The following ALK variants were observed in gnomAD, a reference collection of about 807,000 sequenced individuals.
ALK encodes the protein ALK receptor tyrosine kinase.
A neutral mutation model predicts 163.1 loss-of-function variants in ALK; 74 were observed. That is an observed-to-expected ratio of 0.45 (90% CI 0.38 to 0.55). The LOEUF (loss-of-function observed/expected upper bound fraction) is 0.55, where lower values mean the gene tolerates loss of function less well. Among genes scored for constraint, ALK ranks in the 20% least tolerant of loss-of-function variants. ALK has a pLI of 0.00. For synonymous variants in ALK, 960 were observed against 843.2 expected, an observed-to-expected ratio of 1.14 and a Z score of -2.40; for missense variants, 2,063 against 2,105.3, an observed-to-expected ratio of 0.98 and a Z score of 0.39.
At chr2:29,436,646 C>T (rs756651187) in intron 4 of ALK, among the ~76,000 whole-genome samples, 5 of 152,164 alleles carry the variant, frequency 3.3e-5, no homozygotes, top group East Asian at 1.9e-4. Context: ...TATTGATGTT[C>T]GCTCATCAGC....
chr2:29,625,548 G>A (rs1043685578), intron 3 of ALK, among the ~76,000 whole-genome samples: 1 of 152,200 alleles, frequency 6.6e-6, no homozygotes, highest in Non-Finnish European at 1.5e-5. Flanking sequence ...GAACCAAGCA[G>A]TAAGTAGTGT....
chr2:29,697,570 A>T (rs75983364), intron 2 of ALK, among the ~76,000 whole-genome samples: 1,630 of 152,296 alleles, frequency 0.011, 34 homozygotes, highest in African/African-American at 0.038. Context: ...TTAACAGAAG[A>T]TGCCAAGATG....
intron 3 of ALK, among the ~76,000 whole-genome samples, chr2:29,666,311 G>C (rs888022621): frequency 6.6e-6 from 1 of 151,670 alleles, no homozygotes; most frequent in African/African-American, 2.4e-5. Context: ...TCGTTTCTAG[G>C]GTCCCTTTTT....
chr2:29,422,059 G>A lies in ALK; in HGVS notation c.1155-38200C>T, dbSNP rs1251826219. Among the ~76,000 whole-genome samples, 4 of 151,554 alleles carry A rather than the reference G, an allele frequency of 2.6e-5. No individual in the cohort carries two copies. In the East Asian group the frequency reaches 7.7e-4, roughly 29 times the overall value. Reference sequence around the variant, plus strand: ...CATTTTGATAAAGCCTCTCCAGTGAGGCTCCCTGAGCTTTTTCCACGAGGG... The same window carrying A: ...CATTTTGATAAAGCCTCTCCAGTGAAGCTCCCTGAGCTTTTTCCACGAGGG... On this transcript the variant is annotated intron_variant, in intron 4 of 28. Coordinates refer to ENST00000389048, the MANE Select transcript of ALK (RefSeq NM_004304.5).
Position 29,246,804 on chromosome 2 carries a change from T to G in ALK, c.2204+4301A>C, listed in dbSNP as rs1426031951. The stretch of plus-strand genomic sequence containing the variant: ...CTTTTGACCATGGCCTGAGTGACAG[T>G]GACTCCCTTCCAACTGCTCTCCCCA... On this transcript the variant is annotated intron_variant, in intron 12 of 28. Coordinates refer to ENST00000389048, the MANE Select transcript of ALK (RefSeq NM_004304.5). The surrounding 1 kb of genome is among the most constrained non-coding windows in gnomAD (Gnocchi z 4.3). Among the ~76,000 whole-genome samples the G allele has an allele frequency of 2.0e-5, 3 of 152,164 alleles. No homozygotes were observed. The highest frequency in any genetic ancestry group is 4.4e-5 in the Non-Finnish European group (3 of 68,028).
Position 29,228,897 on chromosome 2 carries a change from GC to G in ALK, c.2801del (p.Gly934AlafsTer5). 1 of 1,586,104 alleles carries G rather than the reference GC, an allele frequency of 6.3e-7. No individual in the cohort carries two copies. Among genetic ancestry groups the G allele is most frequent in the South Asian group, 1.1e-5 (1 of 90,498 alleles). ...AATCATCTTTACCTATATATCCTCC[GC>G]CTCCTCCACCTGAGGAGCACCCCCC... ...GGGGCSSGGG[G>X]GGYIGGNAAS... On this transcript the variant is annotated frameshift_variant, in exon 16 of 29. Coordinates refer to ENST00000389048, the MANE Select transcript of ALK (RefSeq NM_004304.5). LOFTEE classifies it high-confidence loss of function.
At chr2:29,913,424 AC>A (rs991699809) in intron 1 of ALK, among the ~76,000 whole-genome samples, 1 of 152,158 alleles carries the variant, frequency 6.6e-6, no homozygotes, top group African/African-American at 2.4e-5. Context: ...TTACATCTTG[AC>A]CTGTGTGAAA....
At chr2:29,402,471 T>A (rs779892882) in intron 4 of ALK, among the ~76,000 whole-genome samples, 13 of 152,248 alleles carry the variant, frequency 8.5e-5, no homozygotes, top group Non-Finnish European at 1.9e-4. Context: ...TCACTCCACT[T>A]CTTTCCTTGT....
At chr2:29,695,283 A>G (rs1434396154) in intron 2 of ALK, among the ~76,000 whole-genome samples, 1 of 152,224 alleles carries the variant, frequency 6.6e-6, no homozygotes. Flanking sequence ...GAATGGTGAG[A>G]AGCTCTGCAT....
chr2:29,216,061 T>C lies in ALK; in HGVS notation c.3646-1980A>G, dbSNP rs886810971. Among the ~76,000 whole-genome samples, 5 of 152,136 alleles carry C rather than the reference T, an allele frequency of 3.3e-5. No individual in the cohort carries two copies. The East Asian group carries it at 9.7e-4, about 30-fold the overall frequency. On this transcript the variant is annotated intron_variant, in intron 23 of 28. Transcript: ENST00000389048. ...GAGGCCTCGTTAGGGGCAGAGGGGG[T>C]ACCTCTGCACAGGCGGGCAGCAGAG...
At chr2:29,223,320 A>G in intron 20 of ALK, 22 bp downstream of exon 20, 3 of 1,613,698 alleles carry the variant, frequency 1.9e-6, no homozygotes, top group Non-Finnish European at 1.7e-6. Flanking sequence ...CTCTCCTCCC[A>G]GGACGGCAGC....
rs138406372 is a variant in ALK at position 29,226,932 on chromosome 2, G to T, written c.3057C>A (p.Val1019=). ...DHGTVLAEDG[V]SCIVSPTPEP... The stretch of plus-strand genomic sequence containing the variant: ...GCCCTGCCCCCTTACCAATGCAGGA[G>T]ACGCCATCCTCAGCCAGCACCGTCC... Residue 1019 remains valine, a synonymous_variant, in exon 18 of 29, where the codon GTC becomes GTA. Coordinates refer to ENST00000389048, the MANE Select transcript of ALK (RefSeq NM_004304.5). 2,082 of 1,614,212 alleles carry T rather than the reference G, an allele frequency of 1.3e-3. 25 individuals are homozygous for T. The South Asian group carries it at 0.013, about 10-fold the overall frequency.
At chr2:29,708,466 T>G (rs778495207) in intron 2 of ALK, among the ~76,000 whole-genome samples, 1 of 152,090 alleles carries the variant, frequency 6.6e-6, no homozygotes, top group Non-Finnish European at 1.5e-5. Context: ...CAGAATCCTG[T>G]TTTTAAGGTG....
chr2:29,573,266 T>C (rs1674429892), intron 3 of ALK, among the ~76,000 whole-genome samples: 1 of 152,170 alleles, frequency 6.6e-6, no homozygotes, highest in South Asian at 2.1e-4. Flanking sequence ...AATTTCATGA[T>C]ATAGTTATGC....
intron 8 of ALK, among the ~76,000 whole-genome samples, chr2:29,302,499 C>G (rs890361893): frequency 6.6e-6 from 1 of 152,090 alleles, no homozygotes; most frequent in African/African-American, 2.4e-5. Context: ...GCCTGGGGGA[C>G]AAGAGCAAGA....
At chr2:29,557,596 C>T (rs1431866191) in intron 3 of ALK, among the ~76,000 whole-genome samples, 1 of 152,096 alleles carries the variant, frequency 6.6e-6, no homozygotes, top group East Asian at 1.9e-4. Context: ...AATGCATTCT[C>T]TTTCATTGGA....
At chr2:29,835,551 C>T (rs1665536686) in intron 1 of ALK, among the ~76,000 whole-genome samples, 1 of 152,178 alleles carries the variant, frequency 6.6e-6, no homozygotes, top group South Asian at 2.1e-4. Context: ...ATTCCCCATT[C>T]ACCACTCTCC....
chr2:29,592,100 G>A (rs1675075617), intron 3 of ALK, among the ~76,000 whole-genome samples: 1 of 152,162 alleles, frequency 6.6e-6, no homozygotes, highest in Non-Finnish European at 1.5e-5. Flanking sequence ...GGGGGATGGA[G>A]TGAGAGTTGG....
At chr2:29,234,637 T>C (rs78125677) in intron 13 of ALK, among the ~76,000 whole-genome samples, 9,514 of 152,210 alleles carry the variant, frequency 0.063, 359 homozygotes, top group Non-Finnish European at 0.089. Context: ...ATCTCTGATC[T>C]TCCAGTGTGG....
Sources: allele counts gnomAD v4.1 joint callset (sites outside exome capture counted in the v4.1 genomes callset), GRCh38; gene constraint gnomAD v4.1.1; non-coding constraint Gnocchi (gnomAD v3.1); transcripts MANE v1.5; gene names NCBI Gene and HGNC (gene_info 2026-07-23, HGNC 2026-07-21).